Variants in SEMA6D observed in about 807,000 individuals in gnomAD.
The protein encoded by SEMA6D is semaphorin 6D.
In SEMA6D, 35 loss-of-function variants were observed where a neutral mutation model predicts 106.6. The observed-to-expected ratio is 0.33, with a 90% CI of 0.25 to 0.44. The LOEUF is 0.44. Ranked by LOEUF, SEMA6D falls within the 20% of genes least tolerant of loss-of-function variation. The pLI is 1.00. For synonymous variants in SEMA6D, 499 were observed against 487.7 expected (o/e 1.02, Z -0.31); for missense variants, 1,185 against 1,345.9 (o/e 0.88, Z 1.87).
intron 3 of SEMA6D, among the ~76,000 whole-genome samples, chr15:47,564,497 A>C (rs1174597347): frequency 1.3e-5 from 2 of 152,160 alleles, no homozygotes; most frequent in African/African-American, 4.8e-5. Context: ...TGATGTTAAA[A>C]CCTGACCTGA....
chr15:47,478,808 A>G (rs554951439), intron 3 of SEMA6D, among the ~76,000 whole-genome samples: 22 of 152,316 alleles, frequency 1.4e-4, no homozygotes, highest in African/African-American at 4.6e-4. Flanking sequence ...AAAAGGTTTA[A>G]TGGACTCACA....
intron 1 of SEMA6D, among the ~76,000 whole-genome samples, chr15:47,276,068 T>C (rs1013157041): frequency 6.6e-6 from 1 of 152,140 alleles, no homozygotes; most frequent in Non-Finnish European, 1.5e-5. Flanking sequence ...ACCATGAATC[T>C]CTTTGATTCT....
At chr15:47,375,558 C>T (rs1025399805) in intron 1 of SEMA6D, among the ~76,000 whole-genome samples, 2 of 152,078 alleles carry the variant, frequency 1.3e-5, no homozygotes. Flanking sequence ...AACTGGCTGC[C>T]GAACAGAGGG....
At chr15:47,730,363 T>C in intron 1 of SEMA6D, 3 of 1,445,382 alleles carry the variant, frequency 2.1e-6, no homozygotes, top group South Asian at 2.3e-5. Context: ...TCCTGTGGAC[T>C]AGACGTCCCA....
intron 3 of SEMA6D, among the ~76,000 whole-genome samples, chr15:47,590,217 C>A (rs1477671255): frequency 6.6e-6 from 1 of 152,112 alleles, no homozygotes; most frequent in Non-Finnish European, 1.5e-5. Flanking sequence ...AGAATGAGTT[C>A]ATGTCCTTTG....
At chr15:47,582,866 C>G (rs537887955) in intron 3 of SEMA6D, among the ~76,000 whole-genome samples, 14 of 152,238 alleles carry the variant, frequency 9.2e-5, no homozygotes, top group Non-Finnish European at 1.9e-4. Context: ...TCTGCATAAT[C>G]CAGAATCTTT....
intron 3 of SEMA6D, among the ~76,000 whole-genome samples, chr15:47,474,876 G>T (rs960487435): frequency 2.2e-4 from 33 of 152,192 alleles, no homozygotes; most frequent in African/African-American, 7.7e-4. Flanking sequence ...CTCATGCAAT[G>T]CTTCATGATT....
intron 4 of SEMA6D, among the ~76,000 whole-genome samples, chr15:47,633,443 T>C (rs1180530509): frequency 6.6e-6 from 1 of 152,180 alleles, no homozygotes; most frequent in African/African-American, 2.4e-5. Flanking sequence ...TTTTAAATAA[T>C]GTGCAATTTC....
intron 2 of SEMA6D, among the ~76,000 whole-genome samples, chr15:47,465,224 T>C (rs950165611): frequency 3.9e-5 from 6 of 152,306 alleles, no homozygotes; most frequent in African/African-American, 1.2e-4. Flanking sequence ...GGATTTGTAA[T>C]GTGTAAGAAA....
At chr15:47,494,741 G>GATT (rs1555448707) in intron 3 of SEMA6D, among the ~76,000 whole-genome samples, 1 of 32,974 alleles carries the variant, frequency 3.0e-5, no homozygotes, top group Non-Finnish European at 8.4e-5. Flanking sequence ...GTGGGATGGA[G>GATT]ATATATATAT....
At chr15:47,568,457 A>G (rs888057086) in intron 3 of SEMA6D, among the ~76,000 whole-genome samples, 3 of 152,194 alleles carry the variant, frequency 2.0e-5, no homozygotes, top group Admixed American at 6.5e-5. Flanking sequence ...GCAATTCTAT[A>G]TATCATTTTT....
chr15:47,375,648 A>G (rs2039423317), intron 1 of SEMA6D, among the ~76,000 whole-genome samples: 2 of 152,328 alleles, frequency 1.3e-5, no homozygotes, highest in South Asian at 4.1e-4. Flanking sequence ...AAATTCATCT[A>G]TTGACCCAGT....
chr15:47,707,391 T>C (rs1354046061), intron 4 of SEMA6D, among the ~76,000 whole-genome samples: 1 of 152,264 alleles, frequency 6.6e-6, no homozygotes, highest in Non-Finnish European at 1.5e-5. Flanking sequence ...GATTTTTATA[T>C]AGTTTCATTA....
chr15:47,202,345 G>C (rs956022672), intron 1 of SEMA6D, among the ~76,000 whole-genome samples: 3 of 151,964 alleles, frequency 2.0e-5, no homozygotes, highest in Non-Finnish European at 4.4e-5. Context: ...TCAGGAGTTG[G>C]GCGGGTGGCC....
At chr15:47,499,236 G>A (rs527815411) in intron 3 of SEMA6D, among the ~76,000 whole-genome samples, 1 of 152,192 alleles carries the variant, frequency 6.6e-6, no homozygotes, top group East Asian at 1.9e-4. Context: ...TAAGACCAAA[G>A]ATATTTTCTC....
In SEMA6D at chr15:47,225,204, G is replaced by A. The variant is rs563536151; in HGVS notation, c.-239+40786G>A. ...CCATGTGCTTCTTAGCAGATGGTAA[G>A]AGTATGTTTAGTTTTGTCAGAAACT... On this transcript the variant is annotated intron_variant, in intron 1 of 19. Transcript: ENST00000558014. 2.0e-5 allele frequency among the ~76,000 whole-genome samples: 3 copies of A among 152,082 alleles called. No individual in the cohort carries two copies. In the East Asian group the frequency reaches 5.8e-4, roughly 30 times the overall value.
intron 3 of SEMA6D, among the ~76,000 whole-genome samples, chr15:47,547,400 C>T (rs986342984): frequency 6.6e-6 from 1 of 152,076 alleles, no homozygotes; most frequent in Admixed American, 6.6e-5. Flanking sequence ...TGGGAAAGAC[C>T]CTACTGCAGA....
intron 1 of SEMA6D, among the ~76,000 whole-genome samples, chr15:47,236,435 A>C (rs2032544720): frequency 6.6e-6 from 1 of 152,156 alleles, no homozygotes; most frequent in African/African-American, 2.4e-5. Flanking sequence ...ATAGCATTTT[A>C]TGTAACCAAT....
chr15:47,341,966 A>G (rs73401079), intron 1 of SEMA6D, among the ~76,000 whole-genome samples: 2,222 of 151,880 alleles, frequency 0.015, 56 homozygotes, highest in African/African-American at 0.052. Context: ...AAATTCAGTG[A>G]AATCATTCCA....
Sources: gnomAD v4.1 joint callset for allele counts (sites outside exome capture counted in the v4.1 genomes callset) on GRCh38, gnomAD v4.1.1 for gene constraint, MANE v1.5 for transcripts, NCBI Gene and HGNC (gene_info 2026-07-23, HGNC 2026-07-21) for gene names.